WDR7: variants seen among roughly 807,000 people sequenced by gnomAD.
The protein encoded by WDR7 is WD repeat-containing protein 7.
In WDR7, 46 loss-of-function variants were observed where a neutral mutation model predicts 169.4. The ratio of observed to expected loss-of-function variants is 0.27; its 90% CI spans 0.21 to 0.35. WDR7 has a LOEUF of 0.35. Ranked by LOEUF, WDR7 falls within the 10% of genes least tolerant of loss-of-function variation. The pLI is 1.00. For missense variants in WDR7, 1,534 were observed against 1,859.3 expected, an observed-to-expected ratio of 0.83 and a Z score of 3.22; for synonymous variants, 612 against 666.8, an observed-to-expected ratio of 0.92 and a Z score of 1.27.
intron 25 of WDR7, among the ~76,000 whole-genome samples, chr18:56,957,070 G>A (rs1329454536): frequency 1.3e-5 from 2 of 152,102 alleles, no homozygotes; most frequent in Non-Finnish European, 2.9e-5. Flanking sequence ...AAGGATCTGT[G>A]TACAGTATAA....
chr18:56,892,304 A>G (rs1331110497), intron 21 of WDR7, among the ~76,000 whole-genome samples: 1 of 152,104 alleles, frequency 6.6e-6, no homozygotes, highest in Non-Finnish European at 1.5e-5. Context: ...ATTGTTCTAT[A>G]CCAGTTGTTC....
intron 26 of WDR7, among the ~76,000 whole-genome samples, chr18:56,971,766 A>C (rs2047491745): frequency 6.6e-6 from 1 of 152,202 alleles, no homozygotes; most frequent in South Asian, 2.1e-4. Context: ...CAGAGAACCA[A>C]GAAAACACAG....
chr18:56,931,617 A>G (rs931197188), intron 22 of WDR7, among the ~76,000 whole-genome samples: 3 of 151,796 alleles, frequency 2.0e-5, no homozygotes, highest in Non-Finnish European at 2.9e-5. Flanking sequence ...TTCATAATAT[A>G]AAACTAATTA....
chr18:56,692,949 C>G (rs2025609652), intron 9 of WDR7, among the ~76,000 whole-genome samples: 1 of 151,986 alleles, frequency 6.6e-6, no homozygotes, highest in Non-Finnish European at 1.5e-5. Flanking sequence ...GCCTGTAGTC[C>G]CAGCTACTTG....
intron 20 of WDR7, among the ~76,000 whole-genome samples, chr18:56,868,140 G>GA (rs1313784606): frequency 1.3e-5 from 2 of 151,982 alleles, no homozygotes; most frequent in Non-Finnish European, 2.9e-5. Flanking sequence ...GAAAGCAGAA[G>GA]AAAAAATAAC....
chr18:56,660,599 G>A (rs1433687556), intron 1 of WDR7, among the ~76,000 whole-genome samples: 1 of 151,606 alleles, frequency 6.6e-6, no homozygotes, highest in African/African-American at 2.4e-5. Context: ...GAGGGAGGGA[G>A]TGTTGCCAGA....
chr18:56,912,933 G>T (rs1449170473), intron 21 of WDR7, among the ~76,000 whole-genome samples: 4 of 150,946 alleles, frequency 2.6e-5, no homozygotes, highest in Non-Finnish European at 5.9e-5. Flanking sequence ...GGAGTGCAGT[G>T]GTGTGATCAT....
At chr18:56,989,064 T>C (rs554219020) in intron 26 of WDR7, among the ~76,000 whole-genome samples, 3 of 147,976 alleles carry the variant, frequency 2.0e-5, no homozygotes, top group Non-Finnish European at 4.5e-5. Context: ...CTCAGGAGTA[T>C]ATGTGTGTAT....
chr18:56,901,484 GATAA>G (rs1486836310), intron 21 of WDR7, among the ~76,000 whole-genome samples: 1 of 152,068 alleles, frequency 6.6e-6, no homozygotes, highest in Non-Finnish European at 1.5e-5. Context: ...TGCATTTACA[GATAA>G]ATAAATGATG....
At chr18:56,785,355 C>A (rs2044382425) in intron 19 of WDR7, among the ~76,000 whole-genome samples, 1 of 152,168 alleles carries the variant, frequency 6.6e-6, no homozygotes, top group Non-Finnish European at 1.5e-5. Flanking sequence ...GCATAAGAAT[C>A]TTCTTTGAAA....
At chr18:57,019,936 T>C (rs1250682530) in intron 26 of WDR7, among the ~76,000 whole-genome samples, 1 of 152,250 alleles carries the variant, frequency 6.6e-6, no homozygotes, top group Non-Finnish European at 1.5e-5. Context: ...AATAGTTCAG[T>C]ACAGGGAGAT....
At chr18:56,690,584 G>T (rs766752657) in intron 7 of WDR7, among the ~76,000 whole-genome samples, 1 of 152,150 alleles carries the variant, frequency 6.6e-6, no homozygotes, top group Non-Finnish European at 1.5e-5. Context: ...GGAGGCCAGG[G>T]TGGGAGGATC....
intron 13 of WDR7, among the ~76,000 whole-genome samples, chr18:56,725,230 C>T (rs185137993): frequency 2.7e-5 from 4 of 150,908 alleles, no homozygotes; most frequent in African/African-American, 7.5e-5. Flanking sequence ...AATCACCACA[C>T]TGTCTTCCAC....
Position 56,767,193 on chromosome 18 carries a change from G to T in WDR7, c.2848+8240G>T, listed in dbSNP as rs527708139. Reference sequence around the variant, plus strand: ...TATGAGGTTTTCCATTTAGGCTGTTGGGAGCAGGCACTGTTTCTGGTCCTT... The same window carrying T: ...TATGAGGTTTTCCATTTAGGCTGTTTGGAGCAGGCACTGTTTCTGGTCCTT... On this transcript the variant is annotated intron_variant, in intron 16 of 27. Coordinates refer to ENST00000254442, the MANE Select transcript of WDR7 (RefSeq NM_015285.3). Among the ~76,000 whole-genome samples the T allele has an allele frequency of 2.6e-5, 4 of 152,274 alleles. No individual in the cohort carries two copies. In the South Asian group the frequency reaches 8.3e-4, roughly 32 times the overall value.
chr18:56,914,023 T>C (rs1177765672), intron 21 of WDR7, among the ~76,000 whole-genome samples: 1 of 152,146 alleles, frequency 6.6e-6, no homozygotes, highest in East Asian at 1.9e-4. Context: ...AAGTTTCTCA[T>C]GACACTTAGA....
At chr18:56,751,051 GT>G (rs567618061) in intron 14 of WDR7, among the ~76,000 whole-genome samples, 2 of 150,284 alleles carry the variant, frequency 1.3e-5, no homozygotes, top group Non-Finnish European at 3.0e-5. Flanking sequence ...TTTTGTTCCT[GT>G]TTTTTTTTCT....
At chr18:56,656,514 A>G (rs2024776332) in intron 1 of WDR7, among the ~76,000 whole-genome samples, 1 of 151,654 alleles carries the variant, frequency 6.6e-6, no homozygotes, top group African/African-American at 2.4e-5. Context: ...TCCTGAGCTC[A>G]GGCAATCTGC....
intron 12 of WDR7, among the ~76,000 whole-genome samples, chr18:56,703,034 A>G (rs995840966): frequency 1.3e-5 from 2 of 152,240 alleles, no homozygotes; most frequent in Non-Finnish European, 2.9e-5. Context: ...TAGTTAAAGA[A>G]TGAATACTTT....
chr18:56,684,768 T>C (rs1351020755), intron 5 of WDR7, among the ~76,000 whole-genome samples: 1 of 152,188 alleles, frequency 6.6e-6, no homozygotes, highest in Non-Finnish European at 1.5e-5. Context: ...GTTAAATATA[T>C]TTGGGAGATG....
Sources: allele counts gnomAD v4.1 joint callset (sites outside exome capture counted in the v4.1 genomes callset), GRCh38; gene constraint gnomAD v4.1.1; transcripts MANE v1.5; gene names NCBI Gene and HGNC (gene_info 2026-07-23, HGNC 2026-07-21).